The following PDS5B variants were observed in gnomAD, a reference collection of about 807,000 sequenced individuals.
PDS5B encodes PDS5 cohesin associated factor B, also known as sister chromatid cohesion protein PDS5 homolog B.
PDS5B carries 51 observed loss-of-function variants against 184.1 expected under a neutral mutation model. The ratio of observed to expected loss-of-function variants is 0.28; its 90% CI spans 0.22 to 0.35. The LOEUF (loss-of-function observed/expected upper bound fraction) is 0.35. PDS5B is among the 10% of genes least tolerant of loss of function. PDS5B has a pLI of 1.00. For missense variants in PDS5B, 1,180 were observed against 1,723.3 expected (o/e 0.68, Z 5.58); for synonymous variants, 566 against 569.2 (o/e 0.99, Z 0.08).
rs546776414 is a variant in PDS5B at position 32,628,323 on chromosome 13, A to C, written c.-19-20431A>C. ...TGTAATCTTAGCACTTTGGGAGGCT[A>C]TGGTGGGTGGATCACTTGAGGTCAG... On this transcript the variant is annotated intron_variant, in intron 1 of 34. Transcript: ENST00000315596. Among the ~76,000 whole-genome samples the C allele has an allele frequency of 5.9e-5, 9 of 152,160 alleles. No individual in the cohort carries two copies. The East Asian group carries it at 1.7e-3, about 29-fold the overall frequency.
chr13:32,753,242 A>G (rs1252343240), intron 24 of PDS5B, 90 bp from the exon 25 acceptor site: 5 of 959,674 alleles, frequency 5.2e-6, no homozygotes, highest in Non-Finnish European at 8.1e-6. Context: ...GCTACTGTTT[A>G]CTCTTTACTT....
intron 1 of PDS5B, among the ~76,000 whole-genome samples, chr13:32,597,345 T>G (rs1481876504): frequency 1.3e-5 from 2 of 151,872 alleles, no homozygotes; most frequent in Admixed American, 1.3e-4. Context: ...GCCTGGCCCT[T>G]TAATTTCTTT....
chr13:32,750,867 G>GTA (rs962740345), intron 24 of PDS5B, among the ~76,000 whole-genome samples: 1 of 151,732 alleles, frequency 6.6e-6, no homozygotes, highest in Non-Finnish European at 1.5e-5. Context: ...GTGTGTGTGT[G>GTA]TGTGTGTGTG....
intron 6 of PDS5B, among the ~76,000 whole-genome samples, chr13:32,664,181 G>A (rs1476391278): frequency 6.6e-6 from 1 of 152,056 alleles, no homozygotes; most frequent in East Asian, 1.9e-4. Flanking sequence ...CATTATAGTA[G>A]GTGTGTTATA....
At chr13:32,748,464 C>T (rs1593593610) in intron 24 of PDS5B, among the ~76,000 whole-genome samples, 3 of 141,812 alleles carry the variant, frequency 2.1e-5, no homozygotes, top group Non-Finnish European at 3.1e-5. Flanking sequence ...GGCTCTTCCT[C>T]TTTTTTTTTT....
At chr13:32,716,792 T>G (rs1262262132) in intron 19 of PDS5B, among the ~76,000 whole-genome samples, 1 of 86,912 alleles carries the variant, frequency 1.2e-5, no homozygotes, top group African/African-American at 4.0e-5. Context: ...GGGAGGGAGG[T>G]GGGGGGGTCA....
At chr13:32,693,792 CAG>C (rs1226329067) in intron 13 of PDS5B, among the ~76,000 whole-genome samples, 7 of 151,478 alleles carry the variant, frequency 4.6e-5, no homozygotes, top group South Asian at 2.1e-4. Context: ...AAGAGAACAT[CAG>C]AGTTTTTGAC....
chr13:32,617,707 A>G (rs993115608), intron 1 of PDS5B, among the ~76,000 whole-genome samples: 1 of 152,192 alleles, frequency 6.6e-6, no homozygotes, highest in Non-Finnish European at 1.5e-5. Context: ...AAAATCCTCA[A>G]TGTGGTCCTA....
intron 1 of PDS5B, among the ~76,000 whole-genome samples, chr13:32,617,739 A>T (rs372068881): frequency 3.3e-5 from 5 of 152,190 alleles, no homozygotes; most frequent in African/African-American, 7.2e-5. Flanking sequence ...TCTTATTACA[A>T]ATGAGAGGGG....
intron 1 of PDS5B, among the ~76,000 whole-genome samples, chr13:32,611,863 A>G (rs1261097317): frequency 3.9e-5 from 6 of 151,914 alleles, no homozygotes; most frequent in African/African-American, 1.5e-4. Context: ...AAGAAAAAAT[A>G]AGTTTGATCA....
Position 32,659,149 on chromosome 13 carries a change from T to G in PDS5B, c.498-5T>G. The G allele has an allele frequency of 6.5e-7, 1 of 1,529,716 alleles. No homozygotes were observed. Among genetic ancestry groups the G allele is most frequent in the Non-Finnish European group, 8.9e-7 (1 of 1,127,328 alleles). The allele number at this position is 1,529,716 out of a possible 1,614,324, so 94.8% of individuals were successfully genotyped here. ...AATTGAAACAAAATCTGTTTTGAATTGCAGCAATGGCCACAATCAGAAAGT... is the reference window on the plus strand; with the variant it reads ...AATTGAAACAAAATCTGTTTTGAATGGCAGCAATGGCCACAATCAGAAAGT... On this transcript the variant is annotated splice_polypyrimidine_tract_variant and splice_region_variant and intron_variant, in intron 5 of 34. Coordinates refer to ENST00000315596, the MANE Select transcript of PDS5B (RefSeq NM_015032.4).
At chr13:32,641,257 C>G (rs1413352549) in intron 1 of PDS5B, among the ~76,000 whole-genome samples, 1 of 152,108 alleles carries the variant, frequency 6.6e-6, no homozygotes, top group African/African-American at 2.4e-5. Flanking sequence ...ATTTGACATT[C>G]TGTTTAAGGA....
At chr13:32,608,496 A>T (rs1010172431) in intron 1 of PDS5B, among the ~76,000 whole-genome samples, 3 of 152,168 alleles carry the variant, frequency 2.0e-5, no homozygotes, top group Admixed American at 6.5e-5. Context: ...AACGAATTGT[A>T]GGAAGCGTTT....
intron 31 of PDS5B, among the ~76,000 whole-genome samples, chr13:32,765,550 C>A (rs900026553): frequency 6.6e-6 from 1 of 152,186 alleles, no homozygotes; most frequent in African/African-American, 2.4e-5. Context: ...TCTCCAATAA[C>A]TTATTTTGGC....
intron 27 of PDS5B, 93 bp downstream of exon 27, chr13:32,758,312 C>G (rs950564168): frequency 1.8e-6 from 2 of 1,114,122 alleles, no homozygotes. Context: ...TAGATAGCAT[C>G]AAATAATTTT....
chr13:32,764,895 T>C (rs930614324), intron 31 of PDS5B, among the ~76,000 whole-genome samples: 1 of 152,124 alleles, frequency 6.6e-6, no homozygotes, highest in African/African-American at 2.4e-5. Flanking sequence ...GGTTTTGTTG[T>C]TGTTGTTGTT....
chr13:32,666,220 A>G (rs1284381042), intron 6 of PDS5B, among the ~76,000 whole-genome samples: 2 of 152,088 alleles, frequency 1.3e-5, no homozygotes, highest in South Asian at 2.1e-4. Context: ...AGCTGGGAGT[A>G]TAGGCATCCG....
chr13:32,716,094 G>A (rs1952395994), intron 19 of PDS5B, among the ~76,000 whole-genome samples: 1 of 152,024 alleles, frequency 6.6e-6, no homozygotes, highest in South Asian at 2.1e-4. Flanking sequence ...CGTCTGGGAA[G>A]TGAGGAGCGT....
chr13:32,642,697 C>T (rs1314295280), intron 1 of PDS5B, among the ~76,000 whole-genome samples: 1 of 152,074 alleles, frequency 6.6e-6, no homozygotes, highest in Non-Finnish European at 1.5e-5. Context: ...TACTTCCTTC[C>T]ACCTTTTCCT....
Sources: gnomAD v4.1 joint callset for allele counts (sites outside exome capture counted in the v4.1 genomes callset) on GRCh38, gnomAD v4.1.1 for gene constraint, MANE v1.5 for transcripts, NCBI Gene and HGNC (gene_info 2026-07-23, HGNC 2026-07-21) for gene names.